The following LGR4 variants were observed in gnomAD, a reference collection of about 807,000 sequenced individuals.
LGR4 encodes leucine rich repeat containing G protein-coupled receptor 4.
Under a neutral mutation model 84.8 loss-of-function variants are expected in LGR4, and 44 were observed. The ratio of observed to expected loss-of-function variants is 0.52; its 90% confidence interval spans 0.41 to 0.67. The LOEUF is 0.67. Among genes scored for constraint, LGR4 ranks in the 30% least tolerant of loss-of-function variants. The pLI, the probability that LGR4 is intolerant of heterozygous loss-of-function variation, is 0.00. For synonymous variants in LGR4, 429 were observed against 434.3 expected (o/e 0.99, Z 0.15); for missense variants, 1,032 against 1,131.4 (o/e 0.91, Z 1.26).
intron 1 of LGR4, chr11:27,471,623 T>A (rs531832000): frequency 6.6e-6 from 1 of 152,416 alleles, no homozygotes; most frequent in Admixed American, 6.5e-5. Flanking sequence ...TCTCCCCACA[T>A]GCTGGAACCC....
At chr11:27,451,471 C>G (rs1391403961) in intron 1 of LGR4, among the ~76,000 whole-genome samples, 2 of 152,180 alleles carry the variant, frequency 1.3e-5, no homozygotes, top group Non-Finnish European at 2.9e-5. Context: ...AAATTTCTCA[C>G]TAGGCCAGAA....
At chr11:27,422,062 G>A (rs1446671717) in intron 1 of LGR4, among the ~76,000 whole-genome samples, 1 of 152,092 alleles carries the variant, frequency 6.6e-6, no homozygotes, top group Non-Finnish European at 1.5e-5. Flanking sequence ...GTAACCCTAC[G>A]ATGACAAAAC....
At chr11:27,435,936 A>C (rs924384033) in intron 1 of LGR4, among the ~76,000 whole-genome samples, 1 of 148,470 alleles carries the variant, frequency 6.7e-6, no homozygotes, top group Non-Finnish European at 1.5e-5. Flanking sequence ...TTTGAGACGG[A>C]GTCTCGCTCT....
Position 27,367,637 on chromosome 11 carries a change from G to C in LGR4, c.*230C>G. ...AAGATCCTTTTCAAGTCATATATTT[G>C]TTTCAAACAGATCATACATTGCTTG... On this transcript the variant is annotated 3_prime_UTR_variant, in exon 18 of 18. Coordinates refer to ENST00000379214, the MANE Select transcript of LGR4 (RefSeq NM_018490.5). 1 of 419,128 alleles carries C rather than the reference G, an allele frequency of 2.4e-6. No individual in the cohort carries two copies. Among genetic ancestry groups the C allele is most frequent in the Non-Finnish European group, 4.2e-6 (1 of 236,308 alleles). 26.0% of individuals were successfully genotyped at this position (419,128 alleles called of 1,614,324 possible).
rs1862765249 is a variant in LGR4 at position 27,366,346 on chromosome 11, T to C, written c.*1521A>G. 6.6e-6 allele frequency: 1 copy of C among 152,574 alleles called. No homozygotes were observed. The highest frequency in any genetic ancestry group is 1.5e-5 in the Non-Finnish European group (1 of 67,970). 9.5% of individuals were successfully genotyped at this position (152,574 alleles called of 1,614,324 possible). A position where few individuals can be genotyped will look rare whatever the true frequency, so the allele number is the denominator to read the frequency against. On this transcript the variant is annotated 3_prime_UTR_variant, in exon 18 of 18. Transcript: ENST00000379214. ...GACTATTTACAATGCAAAAAGTATATAAACCACAATTTAACAGTCTGCTAC... is the reference window on the plus strand; with the variant it reads ...GACTATTTACAATGCAAAAAGTATACAAACCACAATTTAACAGTCTGCTAC...
chr11:27,472,433 G>A lies in LGR4; in HGVS notation c.-131C>T. On this transcript the variant is annotated 5_prime_UTR_variant, in exon 1 of 18. Transcript: ENST00000379214. ...GGGTCTCTTCCTCGGCGGTCCGCGCGGGCTCGGCCCCTTCAGCAGTCCGCC... is the reference window on the plus strand; with the variant it reads ...GGGTCTCTTCCTCGGCGGTCCGCGCAGGCTCGGCCCCTTCAGCAGTCCGCC... The A allele has an allele frequency of 3.2e-6, 2 of 624,918 alleles. No individual in the cohort carries two copies. The highest frequency in any genetic ancestry group is 4.6e-6 in the Non-Finnish European group (2 of 438,648). The allele number at this position is 624,918 out of a possible 1,614,324, so 38.7% of individuals were successfully genotyped here. A position where few individuals can be genotyped will look rare whatever the true frequency, so the allele number is the denominator to read the frequency against.
intron 2 of LGR4, among the ~76,000 whole-genome samples, chr11:27,410,847 C>A (rs1286786105): frequency 6.6e-6 from 1 of 152,010 alleles, no homozygotes. Flanking sequence ...TATGACCTTG[C>A]TACAAAGAAT....
At chr11:27,450,598 G>T (rs760116385) in intron 1 of LGR4, among the ~76,000 whole-genome samples, 1 of 152,116 alleles carries the variant, frequency 6.6e-6, no homozygotes, top group South Asian at 2.1e-4. Context: ...AGACCAGCCT[G>T]ACCAACATGG....
chr11:27,455,271 C>A (rs957951798), intron 1 of LGR4, among the ~76,000 whole-genome samples: 8 of 152,000 alleles, frequency 5.3e-5, no homozygotes, highest in African/African-American at 1.7e-4. Context: ...TGATTCTGGT[C>A]AAGTCATACA....
intron 2 of LGR4, among the ~76,000 whole-genome samples, chr11:27,397,301 G>A (rs1004181660): frequency 6.6e-6 from 1 of 152,030 alleles, no homozygotes; most frequent in Non-Finnish European, 1.5e-5. Context: ...TTGATTCCAC[G>A]GGTACCTTAG....
intron 4 of LGR4, 150 bp downstream of exon 4, chr11:27,390,944 C>T: frequency 1.9e-6 from 1 of 532,668 alleles, no homozygotes; most frequent in Non-Finnish European, 3.3e-6. Flanking sequence ...TCTCCCTCAC[C>T]AAAGGACGTT....
rs189588926 is a variant in LGR4 at position 27,367,610 on chromosome 11, C to T, written c.*257G>A. 30 of 340,192 alleles carry T rather than the reference C, an allele frequency of 8.8e-5. No homozygotes were observed. The highest frequency in any genetic ancestry group is 7.3e-4 in the Admixed American group (17 of 23,296). 21.1% of individuals were successfully genotyped at this position (340,192 alleles called of 1,614,324 possible). ...CTAACATTATATTGCTCTACTACAC[C>T]TAAGATCCTTTTCAAGTCATATATT... On this transcript the variant is annotated 3_prime_UTR_variant, in exon 18 of 18. Coordinates refer to ENST00000379214, the MANE Select transcript of LGR4 (RefSeq NM_018490.5).
chr11:27,458,216 GC>G (rs1311641997), intron 1 of LGR4, among the ~76,000 whole-genome samples: 1 of 152,118 alleles, frequency 6.6e-6, no homozygotes, highest in African/African-American at 2.4e-5. Flanking sequence ...AGAAAAATAG[GC>G]CAGACGCAAA....
At chr11:27,422,211 C>T (rs1015380586) in intron 1 of LGR4, among the ~76,000 whole-genome samples, 1 of 152,154 alleles carries the variant, frequency 6.6e-6, no homozygotes, top group South Asian at 2.1e-4. Flanking sequence ...ACAAAATGCA[C>T]TATTCATAAA....
chr11:27,461,366 A>T lies in LGR4; in HGVS notation c.185+10752T>A, dbSNP rs144888061. Among the ~76,000 whole-genome samples, 629 of 152,166 alleles carry T rather than the reference A, an allele frequency of 4.1e-3. 4 individuals are homozygous for T. The highest frequency in any genetic ancestry group is 0.014 in the African/African-American group (601 of 41,536). ...AATTAAAAAAAAAAAAATAACACAT[A>T]GGTACCCCATAACCAGTAAAATCAT... On this transcript the variant is annotated intron_variant, in intron 1 of 17. Transcript: ENST00000379214.
chr11:27,447,459 A>G (rs1373295468), intron 1 of LGR4, among the ~76,000 whole-genome samples: 3 of 152,178 alleles, frequency 2.0e-5, no homozygotes, highest in Non-Finnish European at 2.9e-5. Context: ...GATGTCCAGA[A>G]GTTACCCTAT....
At chr11:27,452,621 GAGT>G (rs1193359607) in intron 1 of LGR4, among the ~76,000 whole-genome samples, 5 of 142,988 alleles carry the variant, frequency 3.5e-5, no homozygotes, top group African/African-American at 1.3e-4. Flanking sequence ...ACAACTTTTT[GAGT>G]TTTTTTTTTT....
chr11:27,472,697 T>C lies in LGR4; in HGVS notation c.-395A>G. Reference sequence around the variant, plus strand: ...CGGCCACTCGCCCCAGCCCCCGCCGTGGCTCTCGCACAAACACCCAGACTC... The same window carrying C: ...CGGCCACTCGCCCCAGCCCCCGCCGCGGCTCTCGCACAAACACCCAGACTC... On this transcript the variant is annotated 5_prime_UTR_variant, in exon 1 of 18. Coordinates refer to ENST00000379214, the MANE Select transcript of LGR4 (RefSeq NM_018490.5). 2.8e-6 allele frequency: 1 copy of C among 361,126 alleles called. No individual in the cohort carries two copies. The highest frequency in any genetic ancestry group is 4.1e-5 in the East Asian group (1 of 24,528). The allele number at this position is 361,126 out of a possible 1,614,324, so 22.4% of individuals were successfully genotyped here. A position where few individuals can be genotyped will look rare whatever the true frequency, so the allele number is the denominator to read the frequency against.
intron 1 of LGR4, among the ~76,000 whole-genome samples, chr11:27,462,870 A>G (rs900772019): frequency 6.6e-6 from 1 of 151,610 alleles, no homozygotes; most frequent in Admixed American, 6.6e-5. Flanking sequence ...CCAGACTCTT[A>G]AAAAAAAGAA....
Sources: allele counts gnomAD v4.1 joint callset (sites outside exome capture counted in the v4.1 genomes callset), GRCh38; gene constraint gnomAD v4.1.1; transcripts MANE v1.5; gene names NCBI Gene and HGNC (gene_info 2026-07-23, HGNC 2026-07-21).